Variants in TRHDE observed in about 807,000 individuals in gnomAD.
TRHDE encodes thyrotropin-releasing hormone-degrading ectoenzyme.
In TRHDE, 72 loss-of-function variants were observed where a neutral mutation model predicts 125.7. That is an observed-to-expected ratio of 0.57 (90% CI 0.47 to 0.70). The LOEUF (loss-of-function observed/expected upper bound fraction) is 0.70, where lower values mean the gene tolerates loss of function less well. Among genes scored for constraint, TRHDE ranks in the 30% least tolerant of loss-of-function variants. TRHDE has a pLI of 0.00. For synonymous variants in TRHDE, 509 were observed against 509.1 expected (o/e 1.00, Z 0.00); for missense variants, 1,110 against 1,327.1 (o/e 0.84, Z 2.54).
At chr12:72,330,253 T>A (rs1869526304) in intron 2 of TRHDE, among the ~76,000 whole-genome samples, 1 of 151,408 alleles carries the variant, frequency 6.6e-6, no homozygotes. Context: ...TGTTCTGCTG[T>A]TAAGGAAACA....
intron 2 of TRHDE, among the ~76,000 whole-genome samples, chr12:72,128,825 G>C (rs1360384553): frequency 6.6e-6 from 1 of 152,062 alleles, no homozygotes; most frequent in African/African-American, 2.4e-5. Context: ...ATGTAATTCG[G>C]GTCTCTAAAG....
chr12:72,255,218 C>T (rs1878781008), intron 2 of TRHDE: 1 of 152,162 alleles, frequency 6.6e-6, no homozygotes, highest in Admixed American at 6.5e-5. Context: ...AATAACCAAT[C>T]CCAAGAGAGG....
intron 2 of TRHDE, among the ~76,000 whole-genome samples, chr12:72,304,925 T>C (rs1378471055): frequency 1.3e-5 from 2 of 152,160 alleles, no homozygotes; most frequent in Non-Finnish European, 1.5e-5. Context: ...TATAGGGTTA[T>C]AGGTTGTAGA....
chr12:72,258,626 C>A (rs1565674813), intron 2 of TRHDE, among the ~76,000 whole-genome samples: 1 of 152,132 alleles, frequency 6.6e-6, no homozygotes, highest in African/African-American at 2.4e-5. Flanking sequence ...GAATATACTT[C>A]TCCCAGAGAC....
intron 2 of TRHDE, among the ~76,000 whole-genome samples, chr12:72,187,780 A>C (rs1022692771): frequency 3.3e-5 from 5 of 152,224 alleles, no homozygotes; most frequent in African/African-American, 2.4e-5. Flanking sequence ...AAGATTAAAC[A>C]TCACATCCAA....
chr12:72,303,981 A>G lies in TRHDE; in HGVS notation c.1188+17027A>G, dbSNP rs114475857. Reference sequence around the variant, plus strand: ...GTTCCAGGGGCAGAGAAAAGGAACCAGGTGATGTGGCTGCTATCATTATCC... The same window carrying G: ...GTTCCAGGGGCAGAGAAAAGGAACCGGGTGATGTGGCTGCTATCATTATCC... On this transcript the variant is annotated intron_variant, in intron 2 of 18. Coordinates refer to ENST00000261180, the MANE Select transcript of TRHDE (RefSeq NM_013381.3). Among the ~76,000 whole-genome samples, 1,055 of 152,278 alleles carry G rather than the reference A, an allele frequency of 6.9e-3. 10 individuals are homozygous for G. Among genetic ancestry groups the G allele is most frequent in the African/African-American group, 0.024 (1,000 of 41,560 alleles).
rs528836147 is a variant in TRHDE, at chr12:72,262,638, T to C, written n.280-115357T>C. On this transcript the variant is annotated intron_variant and non_coding_transcript_variant, in intron 2 of 4. Coordinates refer to the TRHDE transcript ENST00000548156. ...GCAACTATATCTTTACAGATAGATATAAAGACATATATACACCCAAGTAAG... is the reference window on the plus strand; with the variant it reads ...GCAACTATATCTTTACAGATAGATACAAAGACATATATACACCCAAGTAAG... 1.3e-4 allele frequency: 20 copies of C among 152,260 alleles called. 1 individual carries two copies. The highest frequency in any genetic ancestry group is 4.8e-4 in the African/African-American group (20 of 41,560). The allele number at this position is 152,260 out of a possible 1,614,324, so 9.4% of individuals were successfully genotyped here.
chr12:72,143,470 G>A (rs1876162541), intron 2 of TRHDE, among the ~76,000 whole-genome samples: 1 of 151,990 alleles, frequency 6.6e-6, no homozygotes, highest in Non-Finnish European at 1.5e-5. Flanking sequence ...AGAATTATGA[G>A]TATGATTATG....
chr12:72,215,053 C>G (rs1055291889), intron 2 of TRHDE, among the ~76,000 whole-genome samples: 1 of 152,036 alleles, frequency 6.6e-6, no homozygotes, highest in Non-Finnish European at 1.5e-5. Flanking sequence ...TTTGTGTGAG[C>G]AATAAAGTTT....
At chr12:72,474,288 A>G (rs1243128819) in intron 5 of TRHDE, among the ~76,000 whole-genome samples, 1 of 152,156 alleles carries the variant, frequency 6.6e-6, no homozygotes, top group Non-Finnish European at 1.5e-5. Context: ...ATAAGAACAC[A>G]ACATAAGATC....
chr12:72,601,200 G>T (rs987223266), intron 12 of TRHDE, among the ~76,000 whole-genome samples: 1 of 152,032 alleles, frequency 6.6e-6, no homozygotes, highest in Non-Finnish European at 1.5e-5. Flanking sequence ...ACTTTGATAG[G>T]TTTAAAACTT....
intron 2 of TRHDE, among the ~76,000 whole-genome samples, chr12:72,292,980 A>C (rs923861736): frequency 6.6e-6 from 1 of 152,274 alleles, no homozygotes; most frequent in Admixed American, 6.5e-5. Flanking sequence ...ACGATGTCTG[A>C]GGTCTCAGTG....
chr12:72,386,387 T>C (rs1872417359), intron 3 of TRHDE, among the ~76,000 whole-genome samples: 1 of 152,212 alleles, frequency 6.6e-6, no homozygotes. Context: ...CCTATTACTA[T>C]GGGTCAACTG....
At chr12:72,571,039 G>A (rs1012267926) in intron 10 of TRHDE, among the ~76,000 whole-genome samples, 2 of 152,114 alleles carry the variant, frequency 1.3e-5, no homozygotes, top group Non-Finnish European at 2.9e-5. Context: ...GGCATCTAAA[G>A]GACTGAGCAC....
rs181472718 is a variant in TRHDE, at chr12:72,248,124, T to C, written n.280-129871T>C. On this transcript the variant is annotated intron_variant and non_coding_transcript_variant, in intron 2 of 4. Coordinates refer to the TRHDE transcript ENST00000548156. The stretch of plus-strand genomic sequence containing the variant: ...AATGGAATAGAATATTTAAATTTAA[T>C]AGTGAAGTGCTTAGGCCGGGTGCGG... 7.2e-5 allele frequency among the ~76,000 whole-genome samples: 11 copies of C among 152,244 alleles called. No individual in the cohort carries two copies. In the East Asian group the frequency reaches 1.9e-3, roughly 27 times the overall value.
At chr12:72,572,545 A>G (rs1176553649) in intron 10 of TRHDE, among the ~76,000 whole-genome samples, 1 of 152,070 alleles carries the variant, frequency 6.6e-6, no homozygotes, top group African/African-American at 2.4e-5. Context: ...AATTAACTAG[A>G]ACTGAAAAGA....
intron 6 of TRHDE, among the ~76,000 whole-genome samples, chr12:72,526,456 G>T (rs1275017957): frequency 6.6e-6 from 1 of 152,074 alleles, no homozygotes; most frequent in African/African-American, 2.4e-5. Context: ...GCTCGTAATT[G>T]ATATTTTATG....
chr12:72,179,800 A>G (rs994902714), intron 2 of TRHDE, among the ~76,000 whole-genome samples: 1 of 152,286 alleles, frequency 6.6e-6, no homozygotes, highest in Non-Finnish European at 1.5e-5. Flanking sequence ...TCTTGTATAT[A>G]CAGTAAGCAT....
intron 3 of TRHDE, among the ~76,000 whole-genome samples, chr12:72,450,237 G>T (rs552375294): frequency 6.6e-6 from 1 of 151,966 alleles, no homozygotes; most frequent in African/African-American, 2.4e-5. Flanking sequence ...CTCTTACTTA[G>T]ACTACTACAA....
Sources: allele counts gnomAD v4.1 joint callset (sites outside exome capture counted in the v4.1 genomes callset), GRCh38; gene constraint gnomAD v4.1.1; transcripts MANE v1.5; gene names NCBI Gene and HGNC (gene_info 2026-07-23, HGNC 2026-07-21).